Variants in PPP1R13B observed in about 807,000 individuals in gnomAD.
The protein encoded by PPP1R13B is apoptosis-stimulating of p53 protein 1.
In PPP1R13B, 44 loss-of-function variants were observed where a neutral mutation model predicts 119.8. The ratio of observed to expected loss-of-function variants is 0.37; its 90% CI spans 0.29 to 0.47. PPP1R13B has a LOEUF of 0.47. Among genes scored for constraint, PPP1R13B ranks in the 20% least tolerant of loss-of-function variants. The pLI is 0.99. For missense variants in PPP1R13B, 1,227 were observed against 1,413.5 expected (o/e 0.87, Z 2.12); for synonymous variants, 542 against 561.5 (o/e 0.97, Z 0.49).
At chr14:103,763,627 G>A (rs1685358506) in intron 4 of PPP1R13B, among the ~76,000 whole-genome samples, 1 of 152,064 alleles carries the variant, frequency 6.6e-6, no homozygotes, top group African/African-American at 2.4e-5. Context: ...CGAGTCACAG[G>A]CTTTTCTTTT....
chr14:103,797,211 A>C (rs375970087), intron 2 of PPP1R13B, 160 bp downstream of exon 2: 19 of 592,964 alleles, frequency 3.2e-5, no homozygotes, highest in Middle Eastern at 3.6e-4. Flanking sequence ...ACTAAGAACT[A>C]CAAGCAATAT....
At position 103,742,919 on chromosome 14, in the gene PPP1R13B, C is replaced by T; in HGVS notation, c.1151-96G>A. 7.3e-7 allele frequency: 1 copy of T among 1,379,130 alleles called. No homozygotes were observed. The highest frequency in any genetic ancestry group is 1.0e-6 in the Non-Finnish European group (1 of 996,986). 85.4% of individuals were successfully genotyped at this position (1,379,130 alleles called of 1,614,324 possible). On this transcript the variant is annotated intron_variant, in intron 9 of 16. Transcript: ENST00000202556. This position sits in a 1 kb window ranked among gnomAD's most constrained non-coding sequence, Gnocchi z 4.9. ...GCCAGAAACAAAAACAGCACTGGGA[C>T]ATCCCATTCTGATGCAGATCCATTA...
In PPP1R13B at chr14:103,797,367, A is replaced by C. The variant is rs767417610; in HGVS notation, c.157+4T>G. On this transcript the variant is annotated splice_donor_region_variant and intron_variant, in intron 2 of 16. Coordinates refer to ENST00000202556, the MANE Select transcript of PPP1R13B (RefSeq NM_015316.3). ...TAACAATCTTTACAGGACCTAATACATACCATTTCCCCTCCACACTTCAGC... is the reference window on the plus strand; with the variant it reads ...TAACAATCTTTACAGGACCTAATACCTACCATTTCCCCTCCACACTTCAGC... The C allele has an allele frequency of 6.2e-7, 1 of 1,613,618 alleles. No homozygotes were observed. Among genetic ancestry groups the C allele is most frequent in the Non-Finnish European group, 8.5e-7 (1 of 1,179,816 alleles).
At chr14:103,787,174 C>T (rs1244044539) in intron 2 of PPP1R13B, among the ~76,000 whole-genome samples, 3 of 151,430 alleles carry the variant, frequency 2.0e-5, no homozygotes, top group East Asian at 2.0e-4. Flanking sequence ...TCAGGTTGGG[C>T]GTGGTAGTTC....
intron 1 of PPP1R13B, among the ~76,000 whole-genome samples, chr14:103,839,313 A>ATTT (rs1419501616): frequency 6.6e-6 from 1 of 151,870 alleles, no homozygotes; most frequent in Non-Finnish European, 1.5e-5. Context: ...CACCCAGCCC[A>ATTT]CTGTGTTTCA....
At chr14:103,773,619 C>T (rs1265714335) in intron 4 of PPP1R13B, among the ~76,000 whole-genome samples, 3 of 152,168 alleles carry the variant, frequency 2.0e-5, no homozygotes, top group African/African-American at 4.8e-5. Flanking sequence ...TGACCTAGTA[C>T]ATCTGAGACA....
At chr14:103,749,571 T>C (rs966813657) in intron 8 of PPP1R13B, among the ~76,000 whole-genome samples, 1 of 152,216 alleles carries the variant, frequency 6.6e-6, no homozygotes, top group African/African-American at 2.4e-5. Flanking sequence ...GCCAGGACAC[T>C]GAGAGCAAGG....
In PPP1R13B at chr14:103,742,889, ACT is replaced by A; in HGVS notation, c.1151-68_1151-67del. On this transcript the variant is annotated intron_variant, in intron 9 of 16. Coordinates refer to ENST00000202556, the MANE Select transcript of PPP1R13B (RefSeq NM_015316.3). This position sits in a 1 kb window ranked among gnomAD's most constrained non-coding sequence, Gnocchi z 4.9. ...GTAGTTGAACCAACCTAAGAATAAC[ACT>A]CTGCCAGAAACAAAAACAGCACTGG... The A allele has an allele frequency of 1.3e-5, 20 of 1,560,432 alleles. No individual in the cohort carries two copies. The South Asian group carries it at 2.0e-4, about 15-fold the overall frequency.
At chr14:103,803,875 A>AC (rs1567136624) in intron 1 of PPP1R13B, among the ~76,000 whole-genome samples, 1 of 152,098 alleles carries the variant, frequency 6.6e-6, no homozygotes, top group Non-Finnish European at 1.5e-5. Flanking sequence ...TCCTGACCTG[A>AC]CCTGAGAAAG....
chr14:103,812,591 G>A (rs1187173207), intron 1 of PPP1R13B, among the ~76,000 whole-genome samples: 4 of 149,458 alleles, frequency 2.7e-5, no homozygotes, highest in African/African-American at 9.9e-5. Flanking sequence ...GCCAATTTTT[G>A]TATCATTAGT....
At chr14:103,735,858 C>T in intron 16 of PPP1R13B, 145 bp downstream of exon 16, 2 of 892,556 alleles carry the variant, frequency 2.2e-6, no homozygotes, top group South Asian at 3.4e-5. Context: ...CCAGCTCTGC[C>T]AAGTAGGCAC....
chr14:103,757,722 G>C lies in PPP1R13B; in HGVS notation c.384C>G (p.Leu128=). ...GVGNPRVELT[L]SELQDMAARQ... Reference sequence around the variant, plus strand: ...TAGCTGCCATATCTTGGAGCTCTGAGAGGGTAAGTTCAACACGTGGATTCC... The same window carrying C: ...TAGCTGCCATATCTTGGAGCTCTGACAGGGTAAGTTCAACACGTGGATTCC... Residue 128 remains leucine (L), a synonymous_variant, in exon 5 of 17, where the codon CTC becomes CTG. Transcript: ENST00000202556. 6.2e-7 allele frequency: 1 copy of C among 1,614,096 alleles called. No individual in the cohort carries two copies. Among genetic ancestry groups the C allele is most frequent in the East Asian group, 2.2e-5 (1 of 44,874 alleles).
At chr14:103,833,582 A>G (rs1167086535) in intron 1 of PPP1R13B, among the ~76,000 whole-genome samples, 1 of 152,008 alleles carries the variant, frequency 6.6e-6, no homozygotes, top group Non-Finnish European at 1.5e-5. Flanking sequence ...GGCGGAGGTT[A>G]CAGTGAGACA....
At chr14:103,813,650 C>T (rs540577548) in intron 1 of PPP1R13B, among the ~76,000 whole-genome samples, 1 of 152,174 alleles carries the variant, frequency 6.6e-6, no homozygotes, top group Admixed American at 6.6e-5. Flanking sequence ...TACATTAAAT[C>T]TCTTTCCTTT....
At chr14:103,815,716 C>T (rs909071287) in intron 1 of PPP1R13B, among the ~76,000 whole-genome samples, 45 of 152,054 alleles carry the variant, frequency 3.0e-4, no homozygotes, top group Admixed American at 2.6e-3. Flanking sequence ...GATCGCACCA[C>T]TGCACTCCAG....
intron 2 of PPP1R13B, among the ~76,000 whole-genome samples, chr14:103,790,276 C>T (rs1057309470): frequency 6.6e-6 from 1 of 150,756 alleles, no homozygotes; most frequent in African/African-American, 2.4e-5. Context: ...GAAAACATGT[C>T]CACACAAACT....
chr14:103,741,665 T>C, intron 11 of PPP1R13B, 125 bp downstream of exon 11: 1 of 1,250,806 alleles, frequency 8.0e-7, no homozygotes, highest in Non-Finnish European at 1.1e-6. Flanking sequence ...GCTGTACTTT[T>C]ATGTAAGAAT....
At chr14:103,813,282 T>G (rs1015198702) in intron 1 of PPP1R13B, among the ~76,000 whole-genome samples, 5 of 151,612 alleles carry the variant, frequency 3.3e-5, no homozygotes, top group African/African-American at 1.2e-4. Context: ...TACTTTCACG[T>G]CCCCACCGTA....
At chr14:103,735,770 G>A (rs117217143) in intron 16 of PPP1R13B, among the ~76,000 whole-genome samples, 3 of 152,210 alleles carry the variant, frequency 2.0e-5, no homozygotes, top group Non-Finnish European at 2.9e-5. Flanking sequence ...CCCTCACTGG[G>A]GCACTCAGCC....
Sources: allele counts gnomAD v4.1 joint callset (sites outside exome capture counted in the v4.1 genomes callset), GRCh38; gene constraint gnomAD v4.1.1; non-coding constraint Gnocchi (gnomAD v3.1); transcripts MANE v1.5; gene names NCBI Gene and HGNC (gene_info 2026-07-23, HGNC 2026-07-21).